NEBL: variants seen among roughly 807,000 people sequenced by gnomAD.
NEBL encodes the protein nebulette, also known as LIM and SH3 protein 2.
NEBL carries 122 observed loss-of-function variants against 140.2 expected under a neutral mutation model. The observed-to-expected ratio is 0.87, with a 90% confidence interval of 0.75 to 1.01. NEBL has a LOEUF of 1.01. Among genes scored for constraint, NEBL ranks in the 50% least tolerant of loss-of-function variants. NEBL has a pLI of 0.00. For synonymous variants in NEBL, 436 were observed against 398.9 expected, an observed-to-expected ratio of 1.09 and a Z score of -1.11; for missense variants, 1,365 against 1,231.3, an observed-to-expected ratio of 1.11 and a Z score of -1.62.
intron 11 of NEBL, among the ~76,000 whole-genome samples, chr10:20,849,931 A>G (rs1281486977): frequency 1.3e-5 from 2 of 152,126 alleles, no homozygotes; most frequent in Non-Finnish European, 2.9e-5. Context: ...ATGAGCTGAC[A>G]TATATAAGAC....
At chr10:20,827,295 C>T (rs181141524) in intron 17 of NEBL, among the ~76,000 whole-genome samples, 1 of 152,300 alleles carries the variant, frequency 6.6e-6, no homozygotes, top group Non-Finnish European at 1.5e-5. Context: ...AAGGCTAGAA[C>T]TACAGAACAC....
chr10:21,074,795 T>TTTGTTG (rs71747504), intron 2 of NEBL, among the ~76,000 whole-genome samples: 3 of 148,760 alleles, frequency 2.0e-5, no homozygotes, highest in African/African-American at 5.0e-5. Flanking sequence ...TATATATATT[T>TTTGTTG]TTGTTGTTGT....
At chr10:20,907,523 C>T (rs769312409) in intron 4 of NEBL, among the ~76,000 whole-genome samples, 4 of 152,036 alleles carry the variant, frequency 2.6e-5, no homozygotes, top group African/African-American at 4.8e-5. Flanking sequence ...TATCTTCCAT[C>T]GATACTCCCA....
intron 2 of NEBL, among the ~76,000 whole-genome samples, chr10:21,101,002 G>A (rs201086392): frequency 2.0e-5 from 3 of 151,704 alleles, no homozygotes; most frequent in Admixed American, 6.6e-5. Flanking sequence ...GGCTTTTTTT[G>A]GAAGGAAATA....
At chr10:21,064,544 C>T (rs1217160264) in intron 2 of NEBL, among the ~76,000 whole-genome samples, 1 of 152,140 alleles carries the variant, frequency 6.6e-6, no homozygotes, top group Non-Finnish European at 1.5e-5. Context: ...TTTTATTAAC[C>T]ATTTAAAAGC....
At chr10:21,184,234 AG>A (rs1841429795) in intron 3 of NEBL, among the ~76,000 whole-genome samples, 1 of 152,210 alleles carries the variant, frequency 6.6e-6, no homozygotes, top group Admixed American at 6.5e-5. Context: ...TATGGGTGCA[AG>A]CTTGTCCAAA....
At position 21,117,067 on chromosome 10, in the gene NEBL, C is replaced by T. The variant is rs553504204; in HGVS notation, c.164+55316G>A. On this transcript the variant is annotated intron_variant, in intron 2 of 6. Transcript: ENST00000417816. ...TCTTTTAAATATTGCTGAGCTTGAG[C>T]TGGGTGCAATAAAGTTACTTGGATA... Among the ~76,000 whole-genome samples, 16 of 152,140 alleles carry T rather than the reference C, an allele frequency of 1.1e-4. No homozygotes were observed. In the East Asian group the frequency reaches 2.9e-3, roughly 28 times the overall value.
At chr10:21,109,682 T>C (rs1797641772) in intron 2 of NEBL, among the ~76,000 whole-genome samples, 1 of 152,146 alleles carries the variant, frequency 6.6e-6, no homozygotes, top group African/African-American at 2.4e-5. Flanking sequence ...TCAGAACTTG[T>C]TGTTGGTCTA....
intron 3 of NEBL, among the ~76,000 whole-genome samples, chr10:20,996,174 C>T (rs1449369053): frequency 6.6e-6 from 1 of 152,144 alleles, no homozygotes; most frequent in Non-Finnish European, 1.5e-5. Flanking sequence ...GAAACAAAAT[C>T]GGTTAATGTG....
In NEBL at chr10:20,783,310, G is replaced by A. The variant is rs1331097360; in HGVS notation, c.*2437C>T. The stretch of plus-strand genomic sequence containing the variant: ...CAACACTACCAAATTATGGCCTCAA[G>A]AGCATGCAACATCTTGTTCAGTTTT... On this transcript the variant is annotated 3_prime_UTR_variant, in exon 28 of 28. Coordinates refer to ENST00000377122, the MANE Select transcript of NEBL (RefSeq NM_006393.3). The A allele has an allele frequency of 6.6e-6, 1 of 152,104 alleles. No homozygotes were observed. The highest frequency in any genetic ancestry group is 1.5e-5 in the Non-Finnish European group (1 of 68,028). The allele number at this position is 152,104 out of a possible 1,614,324, so 9.4% of individuals were successfully genotyped here. A position where few individuals can be genotyped will look rare whatever the true frequency, so the allele number is the denominator to read the frequency against.
At chr10:20,979,326 A>G (rs950753430) in intron 3 of NEBL, among the ~76,000 whole-genome samples, 3 of 149,854 alleles carry the variant, frequency 2.0e-5, no homozygotes, top group Admixed American at 2.0e-4. Context: ...ATAAATGAAG[A>G]AAAAAAAAAG....
chr10:20,862,540 C>T (rs1403102476), intron 7 of NEBL, among the ~76,000 whole-genome samples: 1 of 152,200 alleles, frequency 6.6e-6, no homozygotes, highest in Non-Finnish European at 1.5e-5. Context: ...ACACACTCAA[C>T]ATTCTATTGT....
At chr10:21,104,102 C>G (rs1379826317) in intron 2 of NEBL, among the ~76,000 whole-genome samples, 1 of 152,212 alleles carries the variant, frequency 6.6e-6, no homozygotes, top group Non-Finnish European at 1.5e-5. Flanking sequence ...AAAATCACTG[C>G]TCTACATCGC....
At chr10:21,178,466 G>A (rs911072159), upstream of NEBL, among the ~76,000 whole-genome samples, 3 of 152,224 alleles carry the variant, frequency 2.0e-5, no homozygotes, top group African/African-American at 2.4e-5. Flanking sequence ...AATTCACACC[G>A]GGAAGTCAGG....
At chr10:21,098,281 G>A (rs1837296105) in intron 2 of NEBL, among the ~76,000 whole-genome samples, 1 of 152,152 alleles carries the variant, frequency 6.6e-6, no homozygotes, top group Non-Finnish European at 1.5e-5. Context: ...CACACAGAGA[G>A]TGCAGAAATG....
At chr10:21,075,192 A>C (rs1431708954) in intron 2 of NEBL, among the ~76,000 whole-genome samples, 1 of 152,220 alleles carries the variant, frequency 6.6e-6, no homozygotes, top group Admixed American at 6.5e-5. Context: ...CAAGAATGGC[A>C]AACCCACGGT....
chr10:21,264,242 A>T (rs1842773170), intron 1 of NEBL, among the ~76,000 whole-genome samples: 3 of 152,176 alleles, frequency 2.0e-5, no homozygotes, highest in Admixed American at 2.0e-4. Flanking sequence ...AAGTGTAGGG[A>T]GCTGGAAAGG....
chr10:20,887,499 G>A (rs149163458), intron 4 of NEBL, among the ~76,000 whole-genome samples: 1 of 140,270 alleles, frequency 7.1e-6, no homozygotes, highest in African/African-American at 2.7e-5. Context: ...GTTCGCTGCA[G>A]CCTCAACTTC....
intron 4 of NEBL, among the ~76,000 whole-genome samples, chr10:20,923,064 C>T (rs1375992074): frequency 6.6e-6 from 1 of 151,928 alleles, no homozygotes. Flanking sequence ...TCTTTTTCTT[C>T]TTTTTCTTTT....
Sources: allele counts gnomAD v4.1 joint callset (sites outside exome capture counted in the v4.1 genomes callset), GRCh38; gene constraint gnomAD v4.1.1; transcripts MANE v1.5; gene names NCBI Gene and HGNC (gene_info 2026-07-23, HGNC 2026-07-21).